PDE4D: variants seen among roughly 807,000 people sequenced by gnomAD.
PDE4D encodes the protein 3',5'-cyclic-AMP phosphodiesterase 4D.
A neutral mutation model predicts 87.4 loss-of-function variants in PDE4D; 24 were observed. The ratio of observed to expected loss-of-function variants is 0.27; its 90% confidence interval spans 0.20 to 0.39. The LOEUF is 0.39. PDE4D is among the 10% of genes least tolerant of loss of function. The pLI, the probability that PDE4D is intolerant of heterozygous loss-of-function variation, is 1.00. For missense variants in PDE4D, 714 were observed against 1,041.0 expected (o/e 0.69, Z 4.32); for synonymous variants, 384 against 383.2 (o/e 1.00, Z -0.02).
At position 59,296,978 on chromosome 5, in the gene PDE4D, C is replaced by T. The variant is rs534479275; in HGVS notation, c.456-81010G>A. Among the ~76,000 whole-genome samples, 3 of 152,242 alleles carry T rather than the reference C, an allele frequency of 2.0e-5. No individual in the cohort carries two copies. In the East Asian group the frequency reaches 5.8e-4, roughly 29 times the overall value. ...TACATAAGTTAACTGAGATCTGATA[C>T]TTCCTTTTATCCCTTAAAAATCCAA... is the stretch of plus-strand genomic sequence containing the variant. On this transcript the variant is annotated intron_variant, in intron 1 of 14. Coordinates refer to ENST00000340635, the MANE Select transcript of PDE4D (RefSeq NM_001104631.2).
In PDE4D at chr5:60,382,461, G is replaced by A. The variant is rs986675843; in HGVS notation, c.-90+105481C>T. 4.0e-5 allele frequency among the ~76,000 whole-genome samples: 6 copies of A among 151,812 alleles called. No individual in the cohort carries two copies. In the South Asian group the frequency reaches 1.0e-3, roughly 26 times the overall value. On this transcript the variant is annotated intron_variant, in intron 1 of 16. Transcript: ENST00000502484. Reference sequence around the variant, plus strand: ...AACAGAGCTAGACACCAAGAGCATCGGACTCAACTCAAGCCACTCACTTTT... The same window carrying A: ...AACAGAGCTAGACACCAAGAGCATCAGACTCAACTCAAGCCACTCACTTTT...
chr5:60,330,897 G>T (rs1270378043), intron 1 of PDE4D, among the ~76,000 whole-genome samples: 1 of 152,176 alleles, frequency 6.6e-6, no homozygotes, highest in Non-Finnish European at 1.5e-5. Flanking sequence ...ATCCAGTACA[G>T]ATGGATCAGG....
Position 60,236,953 on chromosome 5 carries a change from C to T in PDE4D, c.-89-51266G>A, listed in dbSNP as rs553589770. ...AATCGTAAGTTTATGTTGTTTTAAGCCACTAAGTTTACAGTTATTTGTTAC... is the reference window on the plus strand; with the variant it reads ...AATCGTAAGTTTATGTTGTTTTAAGTCACTAAGTTTACAGTTATTTGTTAC... On this transcript the variant is annotated intron_variant, in intron 1 of 16. Coordinates refer to the PDE4D transcript ENST00000502484. 1.1e-3 allele frequency among the ~76,000 whole-genome samples: 172 copies of T among 152,040 alleles called. 1 individual carries two copies. Among genetic ancestry groups the T allele is most frequent in the Non-Finnish European group, 1.6e-3 (108 of 67,922 alleles).
chr5:59,855,923 G>A (rs568180405), intron 1 of PDE4D, among the ~76,000 whole-genome samples: 50 of 152,168 alleles, frequency 3.3e-4, no homozygotes, highest in Admixed American at 3.3e-3. Context: ...TACATATGAT[G>A]CAGGCAATCT....
At chr5:60,472,022 A>AC (rs1747853457) in intron 1 of PDE4D, among the ~76,000 whole-genome samples, 2 of 152,044 alleles carry the variant, frequency 1.3e-5, no homozygotes, top group South Asian at 4.2e-4. Flanking sequence ...TTTTGGGCAA[A>AC]CCATGTAACA....
chr5:59,225,800 A>C (rs897118653), intron 1 of PDE4D, among the ~76,000 whole-genome samples: 5 of 150,754 alleles, frequency 3.3e-5, no homozygotes, highest in East Asian at 2.0e-4. Flanking sequence ...CAATAGCAAA[A>C]CCCCCCCAAA....
chr5:59,477,480 G>T (rs989860533), intron 1 of PDE4D, among the ~76,000 whole-genome samples: 1 of 151,666 alleles, frequency 6.6e-6, no homozygotes. Flanking sequence ...CATTGGCTAG[G>T]TTCAGGTAAG....
intron 1 of PDE4D, among the ~76,000 whole-genome samples, chr5:60,230,681 G>A (rs1745704827): frequency 6.6e-6 from 1 of 152,090 alleles, no homozygotes. Context: ...TGGCTAAAGA[G>A]AACTTTGAGT....
intron 1 of PDE4D, among the ~76,000 whole-genome samples, chr5:60,386,432 T>C (rs1056130077): frequency 2.6e-5 from 4 of 152,242 alleles, no homozygotes; most frequent in Non-Finnish European, 4.4e-5. Flanking sequence ...GTCTCTTCTA[T>C]GTGCCTGACA....
intron 1 of PDE4D, among the ~76,000 whole-genome samples, chr5:59,806,861 A>G (rs1767794026): frequency 3.3e-5 from 5 of 152,346 alleles, no homozygotes; most frequent in Admixed American, 3.3e-4. Context: ...ATATTTCAAA[A>G]CAATATATAG....
chr5:59,970,885 C>T (rs1249766658), intron 3 of PDE4D, among the ~76,000 whole-genome samples: 2 of 148,186 alleles, frequency 1.3e-5, no homozygotes, highest in African/African-American at 2.5e-5. Context: ...ATAAATCATG[C>T]TGCTATAAAG....
chr5:60,056,561 G>A (rs1770799653), intron 2 of PDE4D, among the ~76,000 whole-genome samples: 1 of 152,092 alleles, frequency 6.6e-6, no homozygotes, highest in Admixed American at 6.6e-5. Context: ...AGCTCTGGAT[G>A]ATCATACAGT....
At chr5:59,601,441 G>T (rs145040516) in intron 1 of PDE4D, among the ~76,000 whole-genome samples, 2 of 150,168 alleles carry the variant, frequency 1.3e-5, no homozygotes, top group African/African-American at 2.4e-5. Flanking sequence ...TAACTCCTAT[G>T]TCTGAATGGC....
intron 1 of PDE4D, among the ~76,000 whole-genome samples, chr5:60,452,859 C>A (rs1561273807): frequency 6.6e-6 from 1 of 152,050 alleles, no homozygotes; most frequent in African/African-American, 2.4e-5. Flanking sequence ...CAACTATACA[C>A]ACCCCAGAAA....
intron 1 of PDE4D, among the ~76,000 whole-genome samples, chr5:59,786,383 T>C (rs1765175900): frequency 6.6e-6 from 1 of 152,190 alleles, no homozygotes; most frequent in South Asian, 2.1e-4. Flanking sequence ...TTCCCCTCCC[T>C]CTGTGGGCTA....
intron 3 of PDE4D, among the ~76,000 whole-genome samples, chr5:59,912,451 C>T (rs375459318): frequency 3.9e-5 from 6 of 152,160 alleles, no homozygotes; most frequent in Admixed American, 2.6e-4. Flanking sequence ...ATGAGATATG[C>T]ATATTATCAA....
At chr5:59,498,239 A>G (rs1006072153) in intron 1 of PDE4D, among the ~76,000 whole-genome samples, 11 of 151,670 alleles carry the variant, frequency 7.3e-5, no homozygotes, top group African/African-American at 2.7e-4. Context: ...GCAAGCAGAT[A>G]GCCCACAGGC....
intron 1 of PDE4D, among the ~76,000 whole-genome samples, chr5:59,719,633 G>C (rs922353168): frequency 2.0e-5 from 3 of 152,030 alleles, no homozygotes; most frequent in Non-Finnish European, 4.4e-5. Context: ...CCACAATACT[G>C]ATCCACTTTT....
At chr5:59,315,041 G>T (rs961064921) in intron 1 of PDE4D, among the ~76,000 whole-genome samples, 63 of 152,246 alleles carry the variant, frequency 4.1e-4, no homozygotes, top group African/African-American at 1.5e-3. Context: ...TGGGGGCTTG[G>T]AATCCAATCT....
Sources: gnomAD v4.1 joint callset for allele counts (sites outside exome capture counted in the v4.1 genomes callset) on GRCh38, gnomAD v4.1.1 for gene constraint, MANE v1.5 for transcripts, NCBI Gene and HGNC (gene_info 2026-07-23, HGNC 2026-07-21) for gene names.